The following THSD4 variants were observed in gnomAD, a reference collection of about 807,000 sequenced individuals.
The protein encoded by THSD4 is thrombospondin type 1 domain containing 4, also known as thrombospondin type-1 domain-containing protein 4.
Under a neutral mutation model 119.0 loss-of-function variants are expected in THSD4, and 69 were observed. The observed-to-expected ratio is 0.58, with a 90% confidence interval of 0.48 to 0.71. The LOEUF is 0.71. THSD4 is among the 30% of genes least tolerant of loss of function. THSD4 has a pLI of 0.00. For synonymous variants in THSD4, 524 were observed against 540.4 expected (o/e 0.97, Z 0.42); for missense variants, 1,393 against 1,391.1 (o/e 1.00, Z -0.02).
chr15:71,472,492 A>C (rs1424423775), intron 7 of THSD4, among the ~76,000 whole-genome samples: 1 of 152,128 alleles, frequency 6.6e-6, no homozygotes. Flanking sequence ...GCAAGCCTTT[A>C]ATTGTGCTCT....
chr15:71,384,764 A>G (rs2046275190), intron 6 of THSD4, among the ~76,000 whole-genome samples: 1 of 152,176 alleles, frequency 6.6e-6, no homozygotes, highest in Admixed American at 6.5e-5. Context: ...ACGGCATTGT[A>G]ATTTTAAATT....
At chr15:71,254,601 C>T (rs982470272) in intron 5 of THSD4, among the ~76,000 whole-genome samples, 5 of 152,200 alleles carry the variant, frequency 3.3e-5, no homozygotes, top group African/African-American at 7.2e-5. Context: ...TTCTCGAAGC[C>T]GTACTTGGGG....
At chr15:71,277,217 C>T (rs972703756) in intron 6 of THSD4, among the ~76,000 whole-genome samples, 1 of 149,054 alleles carries the variant, frequency 6.7e-6, no homozygotes, top group Non-Finnish European at 1.5e-5. Context: ...CCTCTGCCTC[C>T]CGGGTTCAAG....
chr15:71,739,496 A>T (rs896329870), intron 11 of THSD4, among the ~76,000 whole-genome samples: 1 of 152,190 alleles, frequency 6.6e-6, no homozygotes, highest in Admixed American at 6.5e-5. Context: ...TGAAAACTCC[A>T]AAGTTAAGAT....
At chr15:71,736,169 GTC>G (rs745503992) in intron 10 of THSD4, among the ~76,000 whole-genome samples, 16 of 53,912 alleles carry the variant, frequency 3.0e-4, no homozygotes, top group African/African-American at 8.5e-4. Context: ...CTCTGTCTCT[GTC>G]TCTCTCACAC....
chr15:71,654,660 A>G (rs2051154611), intron 7 of THSD4, among the ~76,000 whole-genome samples: 1 of 152,244 alleles, frequency 6.6e-6, no homozygotes, highest in Admixed American at 6.5e-5. Context: ...AATGTCATGA[A>G]TAAACGTTTT....
chr15:71,541,182 AT>A (rs1320047428), intron 7 of THSD4, among the ~76,000 whole-genome samples: 4 of 152,306 alleles, frequency 2.6e-5, no homozygotes, highest in Admixed American at 2.0e-4. Context: ...TTAATACTAT[AT>A]TTTTTTAACC....
At chr15:71,500,344 TTGTAAGAG>T (rs1431937077) in intron 7 of THSD4, among the ~76,000 whole-genome samples, 2 of 152,196 alleles carry the variant, frequency 1.3e-5, no homozygotes, top group African/African-American at 4.8e-5. Flanking sequence ...TGTTGTTGAG[TTGTAAGAG>T]TGTTTCGTAT....
At chr15:71,236,865 C>A (rs929361150) in intron 4 of THSD4, among the ~76,000 whole-genome samples, 1 of 152,112 alleles carries the variant, frequency 6.6e-6, no homozygotes, top group Non-Finnish European at 1.5e-5. Flanking sequence ...GGCATCAGTT[C>A]TTTGAAGGAG....
intron 7 of THSD4, among the ~76,000 whole-genome samples, chr15:71,488,525 T>TGAAACCAGCCAGAG (rs2140689080): frequency 2.6e-4 from 1 of 3,804 alleles, no homozygotes; most frequent in East Asian, 0.015. Flanking sequence ...GAAATCTTAA[T>TGAAACCAGCCAGAG]CTCATACTTC....
intron 4 of THSD4, among the ~76,000 whole-genome samples, chr15:71,236,034 C>T (rs1380947903): frequency 6.6e-6 from 1 of 152,146 alleles, no homozygotes; most frequent in Non-Finnish European, 1.5e-5. Context: ...TTCTCGGGCT[C>T]CACTCCTCTG....
At chr15:71,512,776 C>T (rs1464274896) in intron 7 of THSD4, among the ~76,000 whole-genome samples, 1 of 152,002 alleles carries the variant, frequency 6.6e-6, no homozygotes, top group Non-Finnish European at 1.5e-5. Context: ...TATCCAGTAT[C>T]CCAGCAGGAC....
At chr15:71,264,843 C>T (rs2044445508) in intron 6 of THSD4, among the ~76,000 whole-genome samples, 1 of 152,056 alleles carries the variant, frequency 6.6e-6, no homozygotes, top group African/African-American at 2.4e-5. Flanking sequence ...GTTAATAAAG[C>T]TTATTGTGGT....
intron 8 of THSD4, among the ~76,000 whole-genome samples, chr15:71,724,238 C>T (rs1372829402): frequency 7.8e-6 from 1 of 128,196 alleles, no homozygotes; most frequent in Non-Finnish European, 1.7e-5. Context: ...TGGGCTGCAG[C>T]ATCTGGGGGA....
intron 7 of THSD4, among the ~76,000 whole-genome samples, chr15:71,529,246 C>T (rs1485609175): frequency 6.6e-6 from 1 of 152,206 alleles, no homozygotes; most frequent in Non-Finnish European, 1.5e-5. Flanking sequence ...GAAATAAGCT[C>T]TTCATGTTAA....
At chr15:71,098,918 G>A (rs2040242896) in intron 1 of THSD4, among the ~76,000 whole-genome samples, 1 of 152,146 alleles carries the variant, frequency 6.6e-6, no homozygotes, top group African/African-American at 2.4e-5. Flanking sequence ...ACACCTGCAA[G>A]CCTAAAATCC....
At chr15:71,125,556 CG>C (rs1454025698) in intron 1 of THSD4, among the ~76,000 whole-genome samples, 1 of 152,248 alleles carries the variant, frequency 6.6e-6, no homozygotes, top group Non-Finnish European at 1.5e-5. Flanking sequence ...TTTCCCCTCC[CG>C]GGTCACCAGC....
intron 7 of THSD4, among the ~76,000 whole-genome samples, chr15:71,442,660 G>GTGTATGTATGTGTATA: frequency 3.9e-5 from 1 of 25,828 alleles, no homozygotes; most frequent in Non-Finnish European, 9.2e-5. Flanking sequence ...GTGTGTGTGT[G>GTGTATGTATGTGTATA]TATATATATA....
At chr15:71,539,542 A>G (rs183856910) in intron 7 of THSD4, among the ~76,000 whole-genome samples, 2 of 152,252 alleles carry the variant, frequency 1.3e-5, no homozygotes, top group East Asian at 3.9e-4. Flanking sequence ...TATATTTTAC[A>G]TGGGATGTGT....
Sources: allele counts gnomAD v4.1 joint callset (sites outside exome capture counted in the v4.1 genomes callset), GRCh38; gene constraint gnomAD v4.1.1; transcripts MANE v1.5; gene names NCBI Gene and HGNC (gene_info 2026-07-23, HGNC 2026-07-21).